Variants in ST8SIA1 observed in about 807,000 individuals in gnomAD.
ST8SIA1 encodes the protein alpha-N-acetylneuraminide alpha-2,8-sialyltransferase.
ST8SIA1 carries 16 observed loss-of-function variants against 35.9 expected under a neutral mutation model. The observed-to-expected ratio is 0.45, with a 90% confidence interval of 0.30 to 0.68. ST8SIA1 has a LOEUF of 0.68. Ranked by LOEUF, ST8SIA1 falls within the 30% of genes least tolerant of loss-of-function variation. ST8SIA1 has a pLI of 0.09. For synonymous variants in ST8SIA1, 170 were observed against 169.6 expected (o/e 1.00, Z -0.02); for missense variants, 383 against 453.6 (o/e 0.84, Z 1.41).
chr12:22,220,308 A>T (rs981884), intron 4 of ST8SIA1, among the ~76,000 whole-genome samples: 117,686 of 152,060 alleles, frequency 0.77, 45,752 homozygotes, highest in South Asian at 0.93. Flanking sequence ...ACAGAAATAT[A>T]TTATTTGTAG....
chr12:22,253,875 G>C lies in ST8SIA1; in HGVS notation c.491+1405C>G, dbSNP rs74506241. Reference sequence around the variant, plus strand: ...AATGTCTTTCAAGGAGACCAACTCTGAGAGGGAACTTAGCCCCCACAAGTA... The same window carrying C: ...AATGTCTTTCAAGGAGACCAACTCTCAGAGGGAACTTAGCCCCCACAAGTA... On this transcript the variant is annotated intron_variant, in intron 3 of 4. Transcript: ENST00000396037. Among the ~76,000 whole-genome samples, 3 of 152,278 alleles carry C rather than the reference G, an allele frequency of 2.0e-5. No individual in the cohort carries two copies. The East Asian group carries it at 5.8e-4, about 29-fold the overall frequency.
intron 2 of ST8SIA1, among the ~76,000 whole-genome samples, chr12:22,276,029 A>G (rs1023366370): frequency 8.5e-5 from 13 of 152,278 alleles, no homozygotes; most frequent in Non-Finnish European, 1.9e-4. Context: ...GGGGAATGAT[A>G]TGGAGGGAGG....
At chr12:22,314,073 G>A (rs1274345640) in intron 1 of ST8SIA1, among the ~76,000 whole-genome samples, 1 of 152,130 alleles carries the variant, frequency 6.6e-6, no homozygotes, top group East Asian at 1.9e-4. Context: ...AATTAAGGAT[G>A]TCAAGGAAGC....
chr12:22,290,864 T>C (rs1160135843), intron 1 of ST8SIA1, among the ~76,000 whole-genome samples: 2 of 152,228 alleles, frequency 1.3e-5, no homozygotes, highest in African/African-American at 2.4e-5. Context: ...GCTTTTCTTT[T>C]GTGGCAGACA....
In ST8SIA1 at chr12:22,200,765, A is replaced by G. The variant is rs1332083233; in HGVS notation, c.*787T>C. 1 of 152,204 alleles carries G rather than the reference A, an allele frequency of 6.6e-6. No individual in the cohort carries two copies. Among genetic ancestry groups the G allele is most frequent in the Non-Finnish European group, 1.5e-5 (1 of 68,034 alleles). 9.4% of individuals were successfully genotyped at this position (152,204 alleles called of 1,614,324 possible). A position where few individuals can be genotyped will look rare whatever the true frequency, so the allele number is the denominator to read the frequency against. On this transcript the variant is annotated 3_prime_UTR_variant, in exon 5 of 5. Transcript: ENST00000396037. ...GGTAGTCTTTTGCACTAAAATAAAA[A>G]TGACAATGCAAACAGGCTTACATAA...
chr12:22,231,374 T>A (rs1020153106), intron 4 of ST8SIA1, among the ~76,000 whole-genome samples: 18 of 150,890 alleles, frequency 1.2e-4, no homozygotes, highest in Admixed American at 1.0e-3. Context: ...TTAATTAGAA[T>A]AAGCTTTTTT....
At position 22,321,003 on chromosome 12, in the gene ST8SIA1, G is replaced by GAAGAAAGAAAGA. The variant is rs1555162777; in HGVS notation, c.236+12982_236+12993dup. ...AGAAAGAAAGAAAGAAAGAAAGAAAGAAGAAAGAAAGAAAGAAAGAAAGAA... is the reference window on the plus strand; with the variant it reads ...AGAAAGAAAGAAAGAAAGAAAGAAAGAAGAAAGAAAGAAAGAAAGAAAGAAAGAAAGAAAGAA... On this transcript the variant is annotated intron_variant, in intron 1 of 4. Coordinates refer to ENST00000396037, the MANE Select transcript of ST8SIA1 (RefSeq NM_003034.4). Among the ~76,000 whole-genome samples, 148 of 76,546 alleles carry GAAGAAAGAAAGA rather than the reference G, an allele frequency of 1.9e-3. 1 individual carries two copies. Among genetic ancestry groups the GAAGAAAGAAAGA allele is most frequent in the Non-Finnish European group, 2.9e-3 (109 of 37,410 alleles). The allele number at this position is 76,546 out of a possible 152,430, so 50.2% of individuals were successfully genotyped here.
At chr12:22,323,846 G>T (rs1208345003) in intron 1 of ST8SIA1, among the ~76,000 whole-genome samples, 5 of 152,118 alleles carry the variant, frequency 3.3e-5, no homozygotes, top group Non-Finnish European at 1.5e-5. Flanking sequence ...CAACACACCT[G>T]TCAGGGTTGG....
At chr12:22,223,813 A>G (rs748386017) in intron 4 of ST8SIA1, 26 of 1,222,586 alleles carry the variant, frequency 2.1e-5, no homozygotes, top group African/African-American at 1.6e-5. Context: ...AGTTAGAATG[A>G]ATTATATTCC....
intron 4 of ST8SIA1, among the ~76,000 whole-genome samples, chr12:22,219,874 G>A (rs1865278471): frequency 6.6e-6 from 1 of 151,984 alleles, no homozygotes; most frequent in South Asian, 2.1e-4. Flanking sequence ...CCACATAGAG[G>A]AATCATTATA....
intron 4 of ST8SIA1, among the ~76,000 whole-genome samples, chr12:22,208,424 A>C (rs2120627005): frequency 6.6e-6 from 1 of 152,264 alleles, no homozygotes; most frequent in Admixed American, 6.5e-5. Flanking sequence ...GGAATCATAT[A>C]TTAAAATAAT....
intron 1 of ST8SIA1, among the ~76,000 whole-genome samples, chr12:22,287,754 A>G (rs11610434): frequency 0.11 from 16,294 of 152,202 alleles, 1,102 homozygotes; most frequent in Middle Eastern, 0.24. Context: ...CTGTATGGCA[A>G]GGGAATACAC....
At chr12:22,280,181 T>C (rs2135812119) in intron 2 of ST8SIA1, among the ~76,000 whole-genome samples, 1 of 152,268 alleles carries the variant, frequency 6.6e-6, no homozygotes, top group South Asian at 2.1e-4. Flanking sequence ...AGCATATTAA[T>C]AGAAATGAAA....
At chr12:22,329,672 T>C (rs1052885121) in intron 1 of ST8SIA1, among the ~76,000 whole-genome samples, 2 of 152,140 alleles carry the variant, frequency 1.3e-5, no homozygotes, top group African/African-American at 2.4e-5. Flanking sequence ...AGGACAATTA[T>C]GGAAATTGAG....
At chr12:22,249,547 T>A (rs1865646272) in intron 3 of ST8SIA1, among the ~76,000 whole-genome samples, 1 of 152,146 alleles carries the variant, frequency 6.6e-6, no homozygotes, top group Non-Finnish European at 1.5e-5. Flanking sequence ...TTGTTTTGTT[T>A]TGTTTTGTTT....
chr12:22,271,598 A>G (rs1036465767), intron 2 of ST8SIA1, among the ~76,000 whole-genome samples: 3 of 152,216 alleles, frequency 2.0e-5, no homozygotes, highest in Non-Finnish European at 4.4e-5. Flanking sequence ...TATTGAAAGA[A>G]TTAAATAAAA....
intron 4 of ST8SIA1, among the ~76,000 whole-genome samples, chr12:22,232,010 G>A (rs572446672): frequency 1.0e-3 from 158 of 152,272 alleles, no homozygotes; most frequent in African/African-American, 3.6e-3. Flanking sequence ...ATTCTCATAG[G>A]AACCACAAGG....
intron 4 of ST8SIA1, among the ~76,000 whole-genome samples, chr12:22,206,294 C>T (rs955148941): frequency 1.3e-5 from 2 of 152,264 alleles, no homozygotes; most frequent in Middle Eastern, 3.4e-3. Flanking sequence ...CATGAAGGAA[C>T]TTGTTGAGCA....
At chr12:22,300,511 A>G (rs1229595547) in intron 1 of ST8SIA1, among the ~76,000 whole-genome samples, 1 of 152,200 alleles carries the variant, frequency 6.6e-6, no homozygotes, top group Non-Finnish European at 1.5e-5. Flanking sequence ...AAACTTAGAA[A>G]GGTTATAAAA....
Sources: allele counts gnomAD v4.1 joint callset (sites outside exome capture counted in the v4.1 genomes callset), GRCh38; gene constraint gnomAD v4.1.1; transcripts MANE v1.5; gene names NCBI Gene and HGNC (gene_info 2026-07-23, HGNC 2026-07-21).